The following RASA3 variants were observed in gnomAD, a reference collection of about 807,000 sequenced individuals.
RASA3 encodes the protein ras GTPase-activating protein 3.
A neutral mutation model predicts 110.0 loss-of-function variants in RASA3; 73 were observed. The ratio of observed to expected loss-of-function variants is 0.66; its 90% CI spans 0.55 to 0.81. The LOEUF is 0.81. Ranked by LOEUF, RASA3 falls within the 30% of genes least tolerant of loss-of-function variation. The probability of loss-of-function intolerance (pLI) is 0.00; values close to 1 mark genes in which losing one functional copy is unlikely to be tolerated. For synonymous variants in RASA3, 500 were observed against 451.4 expected, an observed-to-expected ratio of 1.11 and a Z score of -1.37; for missense variants, 976 against 1,113.2, an observed-to-expected ratio of 0.88 and a Z score of 1.75.
At chr13:114,043,811 T>G (rs1021623815) in intron 3 of RASA3, among the ~76,000 whole-genome samples, 1 of 142,448 alleles carries the variant, frequency 7.0e-6, no homozygotes, top group Non-Finnish European at 1.5e-5. Context: ...CCAGGACACC[T>G]CCGCCTGGCC....
chr13:114,030,472 G>GCTCACACAGAGGGCAAGA (rs1566501794), intron 4 of RASA3, among the ~76,000 whole-genome samples: 3 of 82,438 alleles, frequency 3.6e-5, no homozygotes, highest in East Asian at 2.9e-4. Context: ...AGAGGGCAAG[G>GCTCACACAGAGGGCAAGA]CTCACACAGA....
chr13:114,001,443 G>A (rs1255222506), intron 18 of RASA3, among the ~76,000 whole-genome samples: 31 of 137,452 alleles, frequency 2.3e-4, no homozygotes, highest in Non-Finnish European at 5.0e-4. Flanking sequence ...GCGGGCTCGG[G>A]GTCAGGGTGG....
intron 1 of RASA3, among the ~76,000 whole-genome samples, chr13:114,087,582 C>T (rs960566567): frequency 6.6e-5 from 10 of 152,214 alleles, no homozygotes; most frequent in South Asian, 2.1e-4. Context: ...CCCCGGCCTG[C>T]GCCTCTGGAG....
chr13:114,027,851 A>C lies in RASA3; in HGVS notation c.526T>G (p.Phe176Val). Residue 176 changes from phenylalanine to valine, a missense_variant, in exon 6 of 24, where the codon TTC (phenylalanine) becomes GTC (valine). Physicochemically the swap from Phe to Val is conservative, Grantham distance 50. Transcript: ENST00000334062. ...CTGAAGCGTGAGGCAACTTGCCTGA[A>C]GGGTCCTGCCAGCGTCACGGTGGCG... The part of the protein sequence containing the change: ...PYATVTLAGP[F>V]RSEAKKTKVK... 6.2e-7 allele frequency: 1 copy of C among 1,613,846 alleles called. No individual in the cohort carries two copies.
At chr13:114,081,878 G>A (rs1437097924) in intron 1 of RASA3, among the ~76,000 whole-genome samples, 2 of 152,192 alleles carry the variant, frequency 1.3e-5, no homozygotes, top group East Asian at 1.9e-4. Context: ...AGCAGAGCCT[G>A]CCCCGCATCC....
At chr13:114,073,942 T>G (rs1478465153) in intron 1 of RASA3, 105 bp from the exon 2 acceptor site, 2 of 996,460 alleles carry the variant, frequency 2.0e-6, no homozygotes, top group East Asian at 4.8e-5. Context: ...TCACTAGCTC[T>G]CTATAAAGCC....
chr13:114,123,402 G>A (rs943132062), intron 1 of RASA3, among the ~76,000 whole-genome samples: 5 of 152,242 alleles, frequency 3.3e-5, no homozygotes, highest in African/African-American at 4.8e-5. Context: ...ATTTAGGGGT[G>A]CACGCAAGGG....
At chr13:113,980,228 C>CCG (rs71105221) in intron 23 of RASA3, among the ~76,000 whole-genome samples, 43,192 of 142,992 alleles carry the variant, frequency 0.3, 7,139 homozygotes, top group Non-Finnish European at 0.37. Context: ...GCACCTCCTG[C>CCG]TGTGTGCGCC....
intron 4 of RASA3, among the ~76,000 whole-genome samples, chr13:114,033,266 T>C (rs1221704705): frequency 3.3e-5 from 2 of 60,518 alleles, no homozygotes; most frequent in African/African-American, 6.5e-5. Flanking sequence ...TGACACCACG[T>C]TCCATGGCAC....
In RASA3 at chr13:114,112,099, A is replaced by ACCCCC. The variant is rs112367486; in HGVS notation, c.55+20331_55+20335dup. Among the ~76,000 whole-genome samples, 33 of 149,278 alleles carry ACCCCC rather than the reference A, an allele frequency of 2.2e-4. No individual in the cohort carries two copies. Among genetic ancestry groups the ACCCCC allele is most frequent in the South Asian group, 1.3e-3 (6 of 4,684 alleles). ...TCCCTGGAAACAGCAGCCCCCAGGC[A>ACCCCC]CCCCCCCCAGCAACTGGGACAAGGG... On this transcript the variant is annotated intron_variant, in intron 1 of 23. Coordinates refer to ENST00000334062, the MANE Select transcript of RASA3 (RefSeq NM_007368.4). This position sits in a 1 kb window ranked among gnomAD's most constrained non-coding sequence, Gnocchi z 4.8.
chr13:114,080,553 T>G (rs1408080767), intron 1 of RASA3, among the ~76,000 whole-genome samples: 2 of 151,520 alleles, frequency 1.3e-5, no homozygotes, highest in African/African-American at 2.4e-5. Context: ...AACGGGCATA[T>G]TCAATGTAAT....
intron 11 of RASA3, among the ~76,000 whole-genome samples, chr13:114,017,805 A>G (rs2053826393): frequency 6.6e-6 from 1 of 151,928 alleles, no homozygotes; most frequent in African/African-American, 2.4e-5. Context: ...GCTGTGCTCC[A>G]TTTTTGTGGG....
intron 1 of RASA3, among the ~76,000 whole-genome samples, chr13:114,111,919 A>G (rs914593811): frequency 6.6e-6 from 1 of 152,170 alleles, no homozygotes; most frequent in Non-Finnish European, 1.5e-5. Flanking sequence ...CCATCAACTT[A>G]AAATAGCTTC....
chr13:114,095,739 G>A (rs1315983097), intron 1 of RASA3, among the ~76,000 whole-genome samples: 1 of 152,082 alleles, frequency 6.6e-6, no homozygotes, highest in Non-Finnish European at 1.5e-5. Flanking sequence ...CAGGTGGCTT[G>A]GGGCGACTCA....
chr13:114,124,704 G>A (rs1205216293), intron 1 of RASA3, among the ~76,000 whole-genome samples: 3 of 152,242 alleles, frequency 2.0e-5, no homozygotes, highest in Admixed American at 6.5e-5. Context: ...ACTGCTGGAC[G>A]CCCGCTGCGG....
chr13:114,043,818 G>A (rs1001638438), intron 3 of RASA3, among the ~76,000 whole-genome samples: 17 of 148,826 alleles, frequency 1.1e-4, no homozygotes, highest in Non-Finnish European at 2.2e-4. Flanking sequence ...ACCTCCGCCT[G>A]GCCCACCTCA....
intron 1 of RASA3, among the ~76,000 whole-genome samples, chr13:114,105,357 AGG>A (rs34533419): frequency 0.26 from 38,798 of 151,906 alleles, 6,099 homozygotes; most frequent in African/African-American, 0.44. Context: ...AAGCAGAGGC[AGG>A]TTCACAGCAG....
chr13:114,089,805 C>G (rs1223748852), intron 1 of RASA3, among the ~76,000 whole-genome samples: 6 of 134,970 alleles, frequency 4.4e-5, no homozygotes, highest in African/African-American at 1.1e-4. Flanking sequence ...CTGAACGAAA[C>G]CCACCCTCCT....
At chr13:114,061,321 A>T (rs1022229073) in intron 2 of RASA3, among the ~76,000 whole-genome samples, 5 of 152,036 alleles carry the variant, frequency 3.3e-5, no homozygotes, top group Non-Finnish European at 5.9e-5. Context: ...TTCCTCTTAG[A>T]ACCGCAAACT....
Sources: gnomAD v4.1 joint callset for allele counts (sites outside exome capture counted in the v4.1 genomes callset) on GRCh38, gnomAD v4.1.1 for gene constraint, Gnocchi (gnomAD v3.1) non-coding constraint, MANE v1.5 for transcripts, NCBI Gene and HGNC (gene_info 2026-07-23, HGNC 2026-07-21) for gene names.